Variants in C2orf49 observed in about 807,000 individuals in gnomAD.
The protein encoded by C2orf49 is tRNA-splicing ligase complex subunit ASW.
A neutral mutation model predicts 20.6 loss-of-function variants in C2orf49; 11 were observed. That is an observed-to-expected ratio of 0.53 (90% confidence interval 0.34 to 0.88). C2orf49 has a LOEUF of 0.88. Ranked by LOEUF, C2orf49 falls within the 40% of genes least tolerant of loss-of-function variation. The pLI is 0.02. For synonymous variants in C2orf49, 134 were observed against 108.5 expected, an observed-to-expected ratio of 1.24 and a Z score of -1.46; for missense variants, 289 against 274.2, an observed-to-expected ratio of 1.05 and a Z score of -0.38.
the C2orf49 span, among the ~76,000 whole-genome samples, chr2:105,363,658 A>G: frequency 6.6e-6 from 1 of 152,200 alleles, no homozygotes; most frequent in Non-Finnish European, 1.5e-5. Context: ...TTCCAGTGTC[A>G]TAGGCCCTGG....
the C2orf49 span, chr2:105,363,616 C>T: frequency 4.0e-6 from 3 of 743,850 alleles, no homozygotes; most frequent in African/African-American, 5.3e-5. Context: ...ACAAACTTCA[C>T]AGTCACTCGT....
At chr2:105,351,746 G>A (rs1056016195), downstream of C2orf49, among the ~76,000 whole-genome samples, 2 of 152,090 alleles carry the variant, frequency 1.3e-5, no homozygotes, top group Non-Finnish European at 1.5e-5. Flanking sequence ...TTTCTCTAAG[G>A]AGCCTTTGCT....
the C2orf49 span, chr2:105,375,313 T>C: frequency 6.6e-6 from 1 of 152,248 alleles, no homozygotes; most frequent in Non-Finnish European, 1.5e-5. Context: ...CAGTCATGAC[T>C]ATGGCCTTTG....
intron 1 of C2orf49, 66 bp from the exon 2 acceptor site, chr2:105,339,517 G>C: frequency 6.9e-7 from 1 of 1,441,490 alleles, no homozygotes; most frequent in African/African-American, 1.4e-5. Flanking sequence ...ACCATGTTAG[G>C]TAAGGTGGTT....
the C2orf49 span, among the ~76,000 whole-genome samples, chr2:105,385,280 A>G: frequency 6.6e-6 from 1 of 152,204 alleles, no homozygotes; most frequent in Non-Finnish European, 1.5e-5. Flanking sequence ...ACAGAAAGTG[A>G]TGGTGCAGCC....
In C2orf49 at chr2:105,345,395, T is replaced by C; in HGVS notation, c.*24T>C. 6.4e-7 allele frequency: 1 copy of C among 1,565,924 alleles called. No homozygotes were observed. The highest frequency in any genetic ancestry group is 8.8e-7 in the Non-Finnish European group (1 of 1,139,410). On this transcript the variant is annotated 3_prime_UTR_variant, in exon 4 of 4. Transcript: ENST00000258457. ...GAAGAAAAGTTTCCAAAAATGTAAATATACTGTAACTGTAGTTTTTCAAAT... is the reference window on the plus strand; with the variant it reads ...GAAGAAAAGTTTCCAAAAATGTAAACATACTGTAACTGTAGTTTTTCAAAT...
the C2orf49 span, among the ~76,000 whole-genome samples, chr2:105,356,226 A>G: frequency 6.6e-6 from 1 of 152,128 alleles, no homozygotes; most frequent in Non-Finnish European, 1.5e-5. Context: ...CCCTGTCTCT[A>G]CTAGAAATAC....
chr2:105,349,954 T>A (rs1010209411), downstream of C2orf49, among the ~76,000 whole-genome samples: 1 of 152,152 alleles, frequency 6.6e-6, no homozygotes, highest in African/African-American at 2.4e-5. Context: ...TAACTTGCTT[T>A]GATCAAGTGA....
At chr2:105,381,857 T>C in the C2orf49 span, among the ~76,000 whole-genome samples, 1 of 152,122 alleles carries the variant, frequency 6.6e-6, no homozygotes, top group Non-Finnish European at 1.5e-5. Context: ...ACCCTGAGAA[T>C]GTGACTGGAG....
chr2:105,381,325 G>T, the C2orf49 span, among the ~76,000 whole-genome samples: 1 of 152,106 alleles, frequency 6.6e-6, no homozygotes, highest in Non-Finnish European at 1.5e-5. Flanking sequence ...CACTGTGTTG[G>T]CATGTCACAG....
chr2:105,356,533 C>A, the C2orf49 span, among the ~76,000 whole-genome samples: 1 of 152,124 alleles, frequency 6.6e-6, no homozygotes, highest in Non-Finnish European at 1.5e-5. Context: ...TGTGATCATG[C>A]CACTGCACTC....
chr2:105,351,163 A>G (rs1266804036), downstream of C2orf49, among the ~76,000 whole-genome samples: 4 of 152,136 alleles, frequency 2.6e-5, no homozygotes, highest in East Asian at 7.7e-4. Context: ...GTAAATTGCC[A>G]TTTTCATCAC....
downstream of C2orf49, among the ~76,000 whole-genome samples, chr2:105,353,152 C>T (rs538429614): frequency 1.3e-5 from 2 of 152,078 alleles, no homozygotes; most frequent in Non-Finnish European, 2.9e-5. Context: ...ATCAAGAAAT[C>T]ACTTCCATAA....
At chr2:105,378,352 C>T in the C2orf49 span, 1 of 372,244 alleles carries the variant, frequency 2.7e-6, no homozygotes, top group Non-Finnish European at 5.4e-6. Flanking sequence ...CAGCCTGTCC[C>T]CCCACACCCT....
chr2:105,368,153 C>A, the C2orf49 span, among the ~76,000 whole-genome samples: 1 of 152,126 alleles, frequency 6.6e-6, no homozygotes, highest in Non-Finnish European at 1.5e-5. Context: ...ATAATGAACA[C>A]CCCGTCTGGT....
chr2:105,357,367 A>T, the C2orf49 span, among the ~76,000 whole-genome samples: 1 of 152,152 alleles, frequency 6.6e-6, no homozygotes, highest in Non-Finnish European at 1.5e-5. Flanking sequence ...CATTTCATTT[A>T]GTATACTTTT....
the C2orf49 span, among the ~76,000 whole-genome samples, chr2:105,365,266 T>A: frequency 6.6e-6 from 1 of 152,104 alleles, no homozygotes; most frequent in Non-Finnish European, 1.5e-5. Context: ...GACACTGGAG[T>A]GTACTTCCAC....
At chr2:105,373,794 A>G in the C2orf49 span, 1 of 1,574,586 alleles carries the variant, frequency 6.4e-7, no homozygotes, top group East Asian at 2.3e-5. Context: ...GACCCACAGC[A>G]TAGGGGCCCC....
In C2orf49 at chr2:105,342,915, A is replaced by C; in HGVS notation, c.334A>C (p.Ser112Arg). The C allele has an allele frequency of 6.2e-7, 1 of 1,614,232 alleles. No individual in the cohort carries two copies. Residue 112 changes from serine (S) to arginine (R), a missense_variant, in exon 3 of 4, where the codon AGC (serine) becomes CGC (arginine). By Grantham distance (110) the Ser-to-Arg change is moderately radical (BLOSUM62 -1). Coordinates refer to ENST00000258457, the MANE Select transcript of C2orf49 (RefSeq NM_024093.3). ...ATTTGATGGAAGTTCAACAAGTACA[A>C]GCATAAAAGTGAAAAAGACAGAGAA... ...IVFDGSSTST[S>R]IKVKKTENGD...
Sources: gnomAD v4.1 joint callset for allele counts (sites outside exome capture counted in the v4.1 genomes callset) on GRCh38, gnomAD v4.1.1 for gene constraint, MANE v1.5 for transcripts, NCBI Gene and HGNC (gene_info 2026-07-23, HGNC 2026-07-21) for gene names.